Variants in DNAH8 observed in about 807,000 individuals in gnomAD.
DNAH8 encodes axonemal beta dynein heavy chain 8.
A neutral mutation model predicts 562.1 loss-of-function variants in DNAH8; 382 were observed. The observed-to-expected ratio is 0.68, with a 90% CI of 0.63 to 0.74. The LOEUF is 0.74. DNAH8 is among the 30% of genes least tolerant of loss of function. DNAH8 has a pLI of 0.00. For synonymous variants in DNAH8, 1,881 were observed against 1,919.4 expected (o/e 0.98, Z 0.52); for missense variants, 5,203 against 5,620.4 (o/e 0.93, Z 2.37).
chr6:38,897,978 A>G lies in DNAH8; in HGVS notation c.8941-280A>G, dbSNP rs944901840. Among the ~76,000 whole-genome samples, 5 of 152,288 alleles carry G rather than the reference A, an allele frequency of 3.3e-5. 2 individuals are homozygous for G. The Middle Eastern group carries it at 0.017, about 518-fold the overall frequency. On this transcript the variant is annotated intron_variant, in intron 60 of 92. Transcript: ENST00000327475. ...AAAAAGTAAGTAAAAACCAAGAAAAATATTTCCTATATTAATGTGTTAATT... is the reference window on the plus strand; with the variant it reads ...AAAAAGTAAGTAAAAACCAAGAAAAGTATTTCCTATATTAATGTGTTAATT...
intron 56 of DNAH8, among the ~76,000 whole-genome samples, chr6:38,886,217 T>C (rs912244355): frequency 2.0e-5 from 3 of 151,826 alleles, no homozygotes; most frequent in African/African-American, 4.8e-5. Context: ...GAGTGGACAA[T>C]GAGTGGCTTA....
At chr6:38,894,900 C>A (rs1235549709) in intron 59 of DNAH8, 36 bp downstream of exon 59, 2 of 1,576,962 alleles carry the variant, frequency 1.3e-6, no homozygotes, top group Non-Finnish European at 1.7e-6. Flanking sequence ...AATGTATGAC[C>A]TGAGAAGTTT....
chr6:38,859,624 C>G (rs762522352), intron 42 of DNAH8, among the ~76,000 whole-genome samples: 6 of 152,160 alleles, frequency 3.9e-5, no homozygotes, highest in Non-Finnish European at 8.8e-5. Flanking sequence ...TGGAAAGTCA[C>G]GAAGCTCCTC....
intron 10 of DNAH8, among the ~76,000 whole-genome samples, chr6:38,756,419 G>A (rs1349547249): frequency 1.3e-5 from 2 of 152,036 alleles, no homozygotes; most frequent in Non-Finnish European, 2.9e-5. Context: ...GAACACTATA[G>A]TTTGTGTAAA....
At chr6:38,821,281 G>T (rs887357399) in intron 26 of DNAH8, among the ~76,000 whole-genome samples, 1 of 152,154 alleles carries the variant, frequency 6.6e-6, no homozygotes, top group African/African-American at 2.4e-5. Flanking sequence ...TTTAACAGAA[G>T]TATAAGGTCT....
At chr6:38,910,016 T>G (rs1282541334) in intron 65 of DNAH8, among the ~76,000 whole-genome samples, 3 of 152,222 alleles carry the variant, frequency 2.0e-5, no homozygotes, top group Non-Finnish European at 4.4e-5. Context: ...TTTCATCTGC[T>G]TAATTTTGTT....
At position 38,845,564 on chromosome 6, in the gene DNAH8, T is replaced by C; in HGVS notation, c.4846-10T>C. The C allele has an allele frequency of 6.2e-7, 1 of 1,609,512 alleles. No individual in the cohort carries two copies. Among genetic ancestry groups the C allele is most frequent in the Non-Finnish European group, 8.5e-7 (1 of 1,175,952 alleles). On this transcript the variant is annotated splice_polypyrimidine_tract_variant and intron_variant, in intron 35 of 92. Transcript: ENST00000327475. Reference sequence around the variant, plus strand: ...AACATCATGACATATACTTTGCTTTTCCTTCAAAGGATATTTGCATATCTG... The same window carrying C: ...AACATCATGACATATACTTTGCTTTCCCTTCAAAGGATATTTGCATATCTG...
chr6:38,800,142 A>C (rs1015264943), intron 21 of DNAH8, among the ~76,000 whole-genome samples: 1 of 151,832 alleles, frequency 6.6e-6, no homozygotes, highest in Non-Finnish European at 1.5e-5. Flanking sequence ...TCCATTCACC[A>C]GTTGATGGAC....
At chr6:38,899,557 T>A (rs1779929400) in intron 61 of DNAH8, among the ~76,000 whole-genome samples, 1 of 152,238 alleles carries the variant, frequency 6.6e-6, no homozygotes, top group Non-Finnish European at 1.5e-5. Flanking sequence ...TCCAGTTTGT[T>A]CTGTTCTTCA....
chr6:38,998,481 A>G (rs560992191), intron 88 of DNAH8, among the ~76,000 whole-genome samples: 72 of 152,312 alleles, frequency 4.7e-4, no homozygotes, highest in Non-Finnish European at 9.0e-4. Flanking sequence ...CAAATGCCTT[A>G]TTACAACCTT....
chr6:39,009,147 T>C (rs563657770), intron 89 of DNAH8, among the ~76,000 whole-genome samples, 177 bp downstream of exon 89: 10 of 152,302 alleles, frequency 6.6e-5, no homozygotes, highest in Admixed American at 2.0e-4. Context: ...CATAGTTCTC[T>C]CTTCAAAACT....
chr6:38,732,181 G>A (rs11758334), intron 4 of DNAH8, among the ~76,000 whole-genome samples: 1 of 151,992 alleles, frequency 6.6e-6, no homozygotes, highest in Non-Finnish European at 1.5e-5. Context: ...CAAAAAATTC[G>A]TTATAGTATA....
At position 38,921,277 on chromosome 6, in the gene DNAH8, A is replaced by G. The variant is rs1781683732; in HGVS notation, c.10525-92A>G. ...ACAGATGTGCTCGAAAGTCCCGTCT[A>G]GTGCAGAAATTATGTGATTTGTGTT... On this transcript the variant is annotated intron_variant, in intron 70 of 92. Transcript: ENST00000327475. 3 of 1,440,370 alleles carry G rather than the reference A, an allele frequency of 2.1e-6. No homozygotes were observed. In the African/African-American group the frequency reaches 4.3e-5, roughly 21 times the overall value. The allele number at this position is 1,440,370 out of a possible 1,614,324, so 89.2% of individuals were successfully genotyped here.
chr6:38,991,559 C>A (rs115389151), intron 88 of DNAH8, among the ~76,000 whole-genome samples: 1 of 152,152 alleles, frequency 6.6e-6, no homozygotes, highest in African/African-American at 2.4e-5. Context: ...CCAAGGTTCC[C>A]GTGACACTCT....
At chr6:38,936,460 G>T (rs1782979401) in intron 77 of DNAH8, 1 of 152,120 alleles carries the variant, frequency 6.6e-6, no homozygotes, top group South Asian at 2.1e-4. Context: ...TTCTGTAGCA[G>T]ACAAATCACA....
chr6:38,872,348 A>G (rs1373992448), intron 49 of DNAH8, among the ~76,000 whole-genome samples, 188 bp from the exon 50 acceptor site: 1 of 152,224 alleles, frequency 6.6e-6, no homozygotes, highest in African/African-American at 2.4e-5. Context: ...TTTAGCACAT[A>G]TCGTTTTATA....
In DNAH8 at chr6:39,010,801, GCA is replaced by G. The variant is rs59768434; in HGVS notation, c.13372-1396_13372-1395del. Among the ~76,000 whole-genome samples, 646 of 141,934 alleles carry G rather than the reference GCA, an allele frequency of 4.6e-3. 7 individuals are homozygous for G. The highest frequency in any genetic ancestry group is 0.035 in the East Asian group (170 of 4,886). 93.1% of individuals were successfully genotyped at this position (141,934 alleles called of 152,430 possible). A position where few individuals can be genotyped will look rare whatever the true frequency, so the allele number is the denominator to read the frequency against. ...TATATACACACACACGCACGTGTAC[GCA>G]CACACACACACACACACGTATGTAT... On this transcript the variant is annotated intron_variant, in intron 89 of 92. Transcript: ENST00000327475.
At chr6:38,967,618 A>G (rs1583472076) in intron 82 of DNAH8, among the ~76,000 whole-genome samples, 1 of 150,914 alleles carries the variant, frequency 6.6e-6, no homozygotes, top group Non-Finnish European at 1.5e-5. Context: ...AAACATCATT[A>G]AAAAATTAAA....
chr6:38,877,737 A>C (rs1379450433), intron 53 of DNAH8, among the ~76,000 whole-genome samples: 1 of 152,188 alleles, frequency 6.6e-6, no homozygotes. Flanking sequence ...CTTCATTCAT[A>C]GATTTAAAAT....
Sources: gnomAD v4.1 joint callset for allele counts (sites outside exome capture counted in the v4.1 genomes callset) on GRCh38, gnomAD v4.1.1 for gene constraint, MANE v1.5 for transcripts, NCBI Gene and HGNC (gene_info 2026-07-23, HGNC 2026-07-21) for gene names.